LINGO2: variants seen among roughly 807,000 people sequenced by gnomAD.
The protein encoded by LINGO2 is leucine rich repeat and Ig domain containing 2.
A neutral mutation model predicts 30.6 loss-of-function variants in LINGO2; 14 were observed. The ratio of observed to expected loss-of-function variants is 0.46; its 90% CI spans 0.30 to 0.72. The LOEUF (loss-of-function observed/expected upper bound fraction) is 0.72, where lower values mean the gene tolerates loss of function less well. Ranked by LOEUF, LINGO2 falls within the 30% of genes least tolerant of loss-of-function variation. The probability of loss-of-function intolerance (pLI) is 0.07; values close to 1 mark genes in which losing one functional copy is unlikely to be tolerated. For synonymous variants in LINGO2, 317 were observed against 288.5 expected, an observed-to-expected ratio of 1.10 and a Z score of -1.00; for missense variants, 729 against 751.7, an observed-to-expected ratio of 0.97 and a Z score of 0.35.
rs547630350 is a variant in LINGO2, at chr9:28,100,956, G to A, written c.-86-88551C>T. ...AGGGTCATTGCATCGGTCAATATAT[G>A]AGTAAATGAAGATACACAGATAAGG... is the stretch of plus-strand genomic sequence containing the variant. On this transcript the variant is annotated intron_variant, in intron 4 of 5. Transcript: ENST00000379992. Among the ~76,000 whole-genome samples, 13 of 152,150 alleles carry A rather than the reference G, an allele frequency of 8.5e-5. No homozygotes were observed. The South Asian group carries it at 2.3e-3, about 27-fold the overall frequency.
At chr9:28,548,547 T>C (rs1181187491) in intron 1 of LINGO2, among the ~76,000 whole-genome samples, 1 of 151,220 alleles carries the variant, frequency 6.6e-6, no homozygotes, top group Non-Finnish European at 1.5e-5. Flanking sequence ...CTACTAAAAA[T>C]ACAAAAATTA....
chr9:28,263,805 C>T lies in LINGO2; in HGVS notation c.-87+31403G>A, dbSNP rs183764357. 2.2e-4 allele frequency among the ~76,000 whole-genome samples: 34 copies of T among 152,058 alleles called. 1 individual carries two copies. The highest frequency in any genetic ancestry group is 3.8e-4 in the Non-Finnish European group (26 of 67,944). ...AGAAATGTACCCAATTCTTAATGAA[C>T]AGATTAATCAGTTGGCTAAGATGGG... On this transcript the variant is annotated intron_variant, in intron 4 of 5. Transcript: ENST00000379992.
intron 2 of LINGO2, among the ~76,000 whole-genome samples, chr9:28,413,801 T>C (rs1051240232): frequency 7.2e-5 from 11 of 152,260 alleles, no homozygotes; most frequent in African/African-American, 2.6e-4. Context: ...GTCTGTGTTA[T>C]AAATTAATAC....
chr9:28,992,194 A>C, the LINGO2 span, among the ~76,000 whole-genome samples: 3 of 151,846 alleles, frequency 2.0e-5, no homozygotes, highest in African/African-American at 4.8e-5. Context: ...ATGGAAAACA[A>C]AAAAAGGCAG....
chr9:28,663,076 T>C (rs1828641530), intron 1 of LINGO2, among the ~76,000 whole-genome samples: 1 of 151,834 alleles, frequency 6.6e-6, no homozygotes, highest in African/African-American at 2.4e-5. Context: ...ATTATAACTG[T>C]CAGACCAAAA....
chr9:28,142,003 C>T (rs2133498771), intron 4 of LINGO2, among the ~76,000 whole-genome samples: 2 of 152,300 alleles, frequency 1.3e-5, no homozygotes, highest in South Asian at 4.1e-4. Flanking sequence ...TTCTGCATTA[C>T]TTCAGCACGT....
intron 5 of LINGO2, among the ~76,000 whole-genome samples, chr9:28,000,739 G>GT (rs1233642243): frequency 6.6e-6 from 1 of 152,142 alleles, no homozygotes; most frequent in Non-Finnish European, 1.5e-5. Context: ...GTTGACAATA[G>GT]TTTTTTATTT....
chr9:28,170,641 G>A (rs1374317670), intron 4 of LINGO2, among the ~76,000 whole-genome samples: 1 of 152,164 alleles, frequency 6.6e-6, no homozygotes, highest in Non-Finnish European at 1.5e-5. Flanking sequence ...GGTCAAAAGT[G>A]TAAAATGGGT....
chr9:28,497,446 C>T (rs1180594043), intron 1 of LINGO2, among the ~76,000 whole-genome samples: 3 of 152,112 alleles, frequency 2.0e-5, no homozygotes, highest in South Asian at 2.1e-4. Flanking sequence ...TCCAGTTGAT[C>T]GAATCGGCTA....
the LINGO2 span, among the ~76,000 whole-genome samples, chr9:29,033,810 T>G: frequency 3.9e-5 from 6 of 152,118 alleles, no homozygotes; most frequent in East Asian, 1.2e-3. Flanking sequence ...CCACTTCGCA[T>G]GTCAGAAACA....
chr9:28,392,058 C>T (rs548152840), intron 2 of LINGO2, among the ~76,000 whole-genome samples: 4 of 152,154 alleles, frequency 2.6e-5, no homozygotes, highest in Non-Finnish European at 4.4e-5. Context: ...GAAAAATTAG[C>T]GGGGCGTGAT....
At chr9:28,907,014 G>A in the LINGO2 span, among the ~76,000 whole-genome samples, 78 of 151,832 alleles carry the variant, frequency 5.1e-4, no homozygotes, top group African/African-American at 1.8e-3. Context: ...ACTCACATGC[G>A]TTAAAGCTAA....
the LINGO2 span, among the ~76,000 whole-genome samples, chr9:29,188,098 G>A: frequency 6.8e-6 from 1 of 146,846 alleles, no homozygotes; most frequent in African/African-American, 2.5e-5. Flanking sequence ...GGACAATAGT[G>A]GAGGGAAGGT....
intron 1 of LINGO2, among the ~76,000 whole-genome samples, chr9:28,609,405 T>A (rs1248614314): frequency 1.3e-5 from 2 of 151,546 alleles, no homozygotes; most frequent in Non-Finnish European, 3.0e-5. Flanking sequence ...TTCATATGAA[T>A]CAATAATAAA....
At chr9:29,124,140 G>T in the LINGO2 span, among the ~76,000 whole-genome samples, 1 of 152,032 alleles carries the variant, frequency 6.6e-6, no homozygotes, top group African/African-American at 2.4e-5. Flanking sequence ...TGACAAATCT[G>T]ACAAAAACAA....
At chr9:28,035,601 A>AAT (rs1587736976) in intron 4 of LINGO2, among the ~76,000 whole-genome samples, 1 of 152,206 alleles carries the variant, frequency 6.6e-6, no homozygotes, top group Non-Finnish European at 1.5e-5. Context: ...AATGTTATGC[A>AAT]GTTTTATCTT....
At chr9:28,597,408 A>G in intron 1 of LINGO2, among the ~76,000 whole-genome samples, 1 of 152,226 alleles carries the variant, frequency 6.6e-6, no homozygotes, top group Non-Finnish European at 1.5e-5. Context: ...ATTACAGCTT[A>G]GTGATCTTAA....
At chr9:29,139,361 T>C in the LINGO2 span, among the ~76,000 whole-genome samples, 2 of 152,300 alleles carry the variant, frequency 1.3e-5, no homozygotes, top group African/African-American at 4.8e-5. Context: ...AGCATAATTA[T>C]TGCAAACCAC....
Position 28,174,894 on chromosome 9 carries a change from G to GTC in LINGO2, c.-87+120312_-87+120313dup, listed in dbSNP as rs200889145. On this transcript the variant is annotated intron_variant, in intron 4 of 5. Transcript: ENST00000379992. ...GGGGAGAGAGAGAAAGAGAATTTGT[G>GTC]TCTCTGTGTGTGTGTGTGTGTGTGT... Among the ~76,000 whole-genome samples the GTC allele has an allele frequency of 8.5e-3, 872 of 102,924 alleles. 4 individuals carry two copies. Among genetic ancestry groups the GTC allele is most frequent in the Non-Finnish European group, 9.9e-3 (465 of 46,944 alleles). The allele number at this position is 102,924 out of a possible 152,430, so 67.5% of individuals were successfully genotyped here. A position where few individuals can be genotyped will look rare whatever the true frequency, so the allele number is the denominator to read the frequency against.
Sources: allele counts gnomAD v4.1 joint callset (sites outside exome capture counted in the v4.1 genomes callset), GRCh38; gene constraint gnomAD v4.1.1; transcripts MANE v1.5; gene names NCBI Gene and HGNC (gene_info 2026-07-23, HGNC 2026-07-21).